ITGB5: variants seen among roughly 807,000 people sequenced by gnomAD.
ITGB5 encodes integrin beta-5.
A neutral mutation model predicts 84.8 loss-of-function variants in ITGB5; 38 were observed. The observed-to-expected ratio is 0.45, with a 90% CI of 0.35 to 0.59. ITGB5 has a LOEUF of 0.59. Among genes scored for constraint, ITGB5 ranks in the 20% least tolerant of loss-of-function variants. ITGB5 has a pLI of 0.01. For synonymous variants in ITGB5, 393 were observed against 414.4 expected (o/e 0.95, Z 0.63); for missense variants, 905 against 1,034.5 (o/e 0.87, Z 1.72).
intron 1 of ITGB5, among the ~76,000 whole-genome samples, chr3:124,884,240 G>C (rs1206017784): frequency 6.6e-6 from 1 of 151,732 alleles, no homozygotes; most frequent in Non-Finnish European, 1.5e-5. Context: ...AAAAAAGAAT[G>C]TTGAAGTTAA....
At chr3:124,885,865 C>A (rs71325807) in intron 1 of ITGB5, among the ~76,000 whole-genome samples, 16 of 152,364 alleles carry the variant, frequency 1.1e-4, no homozygotes, top group South Asian at 8.3e-4. Context: ...AAACCTAAAC[C>A]TCCACTGCCT....
intron 12 of ITGB5, among the ~76,000 whole-genome samples, 164 bp downstream of exon 12, chr3:124,768,849 A>T (rs1367143837): frequency 1.3e-5 from 2 of 152,210 alleles, no homozygotes; most frequent in East Asian, 1.9e-4. Flanking sequence ...ACCATTCTAC[A>T]TTCCCATCAG....
At chr3:124,776,196 G>A (rs2063924326) in intron 10 of ITGB5, among the ~76,000 whole-genome samples, 1 of 152,200 alleles carries the variant, frequency 6.6e-6, no homozygotes, top group South Asian at 2.1e-4. Context: ...GGGGCAATGG[G>A]CAGCATGAGC....
intron 10 of ITGB5, among the ~76,000 whole-genome samples, chr3:124,785,899 G>A (rs763026124): frequency 6.6e-6 from 1 of 151,932 alleles, no homozygotes; most frequent in Non-Finnish European, 1.5e-5. Flanking sequence ...CTAAGTGCCA[G>A]GGTGGTGGGA....
chr3:124,763,701 G>A lies in ITGB5; in HGVS notation c.2322C>T (p.Tyr774=). The change falls in exon 15 of 15, where the codon TAC becomes TAT. Residue 774 remains tyrosine, a synonymous_variant. Transcript: ENST00000296181. The part of the protein sequence containing the change: ...ARYEMASNPL[Y]RKPISTHTVD... ...CAGTGTGCGTGGAGATAGGCTTTCT[G>A]TATAATGGATTTGAAGCCTACAGAA... 6.2e-7 allele frequency: 1 copy of A among 1,606,116 alleles called. No homozygotes were observed. The highest frequency in any genetic ancestry group is 1.1e-5 in the South Asian group (1 of 90,850).
At chr3:124,772,768 C>G (rs1182019571) in intron 11 of ITGB5, among the ~76,000 whole-genome samples, 1 of 152,084 alleles carries the variant, frequency 6.6e-6, no homozygotes, top group East Asian at 1.9e-4. Flanking sequence ...AGGCTGGGGC[C>G]CAGGTCTAGA....
chr3:124,805,750 C>T (rs188084414), intron 9 of ITGB5, among the ~76,000 whole-genome samples: 5 of 151,284 alleles, frequency 3.3e-5, no homozygotes, highest in East Asian at 1.9e-4. Flanking sequence ...CTGCGCCTGG[C>T]GGACTTTTTT....
intron 10 of ITGB5, among the ~76,000 whole-genome samples, chr3:124,778,927 TG>T (rs1387716670): frequency 6.6e-6 from 1 of 151,966 alleles, no homozygotes; most frequent in Non-Finnish European, 1.5e-5. Flanking sequence ...TGTGACAAGC[TG>T]AGGGTGTGGG....
chr3:124,841,950 A>C (rs1432116530), intron 4 of ITGB5, among the ~76,000 whole-genome samples: 1 of 152,230 alleles, frequency 6.6e-6, no homozygotes, highest in Non-Finnish European at 1.5e-5. Flanking sequence ...GATGATGCCC[A>C]GTGAGGGCAA....
Position 124,764,448 on chromosome 3 carries a change from G to A in ITGB5, c.2247C>T (p.His749=), listed in dbSNP as rs201373534. ...LAIWKLLVTI[H]DRREFAKFQS... is the part of the protein sequence containing the mutation. ...GAAACTTTGCAAACTCCCTCCGGTC[G>A]TGGATGGTGACAAGCAGCTTCCAGA... Residue 749 remains histidine, a synonymous_variant, in exon 14 of 15, where the codon CAC becomes CAT. Coordinates refer to ENST00000296181, the MANE Select transcript of ITGB5 (RefSeq NM_002213.5). 314 of 1,613,932 alleles carry A rather than the reference G, an allele frequency of 1.9e-4. No homozygotes were observed. The highest frequency in any genetic ancestry group is 2.6e-4 in the Non-Finnish European group (301 of 1,179,986).
chr3:124,863,082 A>C (rs1014320326), intron 2 of ITGB5: 1 of 152,178 alleles, frequency 6.6e-6, no homozygotes, highest in African/African-American at 2.4e-5. Context: ...CTCTATCATC[A>C]GTGTCAAAGT....
At chr3:124,816,352 G>A (rs116402921) in intron 8 of ITGB5, among the ~76,000 whole-genome samples, 2,070 of 152,346 alleles carry the variant, frequency 0.014, 23 homozygotes, top group Middle Eastern at 0.034. Context: ...AGTCACTGCT[G>A]GGAAGGCAAG....
intron 1 of ITGB5, among the ~76,000 whole-genome samples, chr3:124,875,624 C>T (rs1163226266): frequency 2.6e-5 from 4 of 152,114 alleles, no homozygotes; most frequent in African/African-American, 9.7e-5. Context: ...ACCAGAAGTA[C>T]TATGTGTTCC....
At chr3:124,776,218 AG>A (rs2063924733) in intron 10 of ITGB5, among the ~76,000 whole-genome samples, 1 of 152,210 alleles carries the variant, frequency 6.6e-6, no homozygotes, top group African/African-American at 2.4e-5. Context: ...CATCCCTGGA[AG>A]GGAGAGGGCG....
intron 3 of ITGB5, among the ~76,000 whole-genome samples, chr3:124,855,364 TC>T (rs1171772967): frequency 6.6e-6 from 1 of 152,036 alleles, no homozygotes; most frequent in East Asian, 1.9e-4. Flanking sequence ...CTGAAAGCCC[TC>T]CCTAGAGTCA....
chr3:124,815,212 A>G (rs1030131842), intron 8 of ITGB5, among the ~76,000 whole-genome samples: 2 of 152,208 alleles, frequency 1.3e-5, no homozygotes, highest in African/African-American at 4.8e-5. Flanking sequence ...CCAGTCACAT[A>G]GAAGCTGGCT....
intron 10 of ITGB5, chr3:124,791,789 C>A (rs1399247589): frequency 6.6e-6 from 1 of 152,214 alleles, no homozygotes; most frequent in South Asian, 2.1e-4. Flanking sequence ...GCCACAACAA[C>A]TCCAGATGTA....
chr3:124,877,171 G>T (rs1174604693), intron 1 of ITGB5, among the ~76,000 whole-genome samples: 1 of 148,698 alleles, frequency 6.7e-6, no homozygotes, highest in Non-Finnish European at 1.5e-5. Context: ...GGAAGACAGG[G>T]TCTTGCCATG....
intron 4 of ITGB5, 150 bp downstream of exon 4, chr3:124,848,159 A>T: frequency 1.2e-6 from 1 of 832,628 alleles, no homozygotes; most frequent in Non-Finnish European, 1.9e-6. Context: ...GAAAGGAGAG[A>T]ATGTATGCTT....
Sources: allele counts gnomAD v4.1 joint callset (sites outside exome capture counted in the v4.1 genomes callset), GRCh38; gene constraint gnomAD v4.1.1; transcripts MANE v1.5; gene names NCBI Gene and HGNC (gene_info 2026-07-23, HGNC 2026-07-21).